Variants in DGKB observed in about 807,000 individuals in gnomAD.
DGKB encodes 90 kDa diacylglycerol kinase.
DGKB carries 67 observed loss-of-function variants against 114.3 expected under a neutral mutation model. The ratio of observed to expected loss-of-function variants is 0.59; its 90% CI spans 0.48 to 0.72. The LOEUF (loss-of-function observed/expected upper bound fraction) is 0.72, where lower values mean the gene tolerates loss of function less well. DGKB is among the 30% of genes least tolerant of loss of function. DGKB has a pLI of 0.00. For synonymous variants in DGKB, 398 were observed against 323.1 expected (o/e 1.23, Z -2.49); for missense variants, 907 against 975.2 (o/e 0.93, Z 0.93).
At chr7:14,937,551 T>C (rs766298371) in intron 1 of DGKB, among the ~76,000 whole-genome samples, 3 of 152,190 alleles carry the variant, frequency 2.0e-5, no homozygotes, top group Non-Finnish European at 2.9e-5. Flanking sequence ...TAAAGCATCA[T>C]TGCTAATATT....
chr7:14,388,124 G>A (rs34148828), intron 21 of DGKB, among the ~76,000 whole-genome samples: 32 of 150,346 alleles, frequency 2.1e-4, no homozygotes, highest in Non-Finnish European at 4.0e-4. Context: ...TGATCCACTC[G>A]CCTTGGCCTC....
At chr7:14,780,365 G>T (rs1195184154) in intron 2 of DGKB, among the ~76,000 whole-genome samples, 1 of 152,046 alleles carries the variant, frequency 6.6e-6, no homozygotes, top group Non-Finnish European at 1.5e-5. Context: ...ACACATTTCC[G>T]TATTTTGCCT....
At chr7:14,558,527 A>T (rs1796191982) in intron 20 of DGKB, among the ~76,000 whole-genome samples, 1 of 152,104 alleles carries the variant, frequency 6.6e-6, no homozygotes, top group Admixed American at 6.6e-5. Context: ...ATTTGCCTTT[A>T]AGATTTCTGC....
chr7:14,914,987 C>A (rs563254629), intron 1 of DGKB, among the ~76,000 whole-genome samples: 11 of 151,948 alleles, frequency 7.2e-5, no homozygotes, highest in African/African-American at 2.4e-4. Context: ...ATATAAAGAG[C>A]AAAAATAATT....
intron 9 of DGKB, among the ~76,000 whole-genome samples, chr7:14,689,196 C>CTTTTTTTTTTT (rs1554599070): frequency 9.1e-4 from 73 of 80,232 alleles, no homozygotes; most frequent in African/African-American, 1.1e-3. Flanking sequence ...AGAAACTCCT[C>CTTTTTTTTTTT]TTATTTTTTT....
rs113305105 is a variant in DGKB at position 14,930,642 on chromosome 7, C to T, written c.-188+44054G>A. Among the ~76,000 whole-genome samples, 1,095 of 152,156 alleles carry T rather than the reference C, an allele frequency of 7.2e-3. 17 individuals carry two copies. The highest frequency in any genetic ancestry group is 0.025 in the African/African-American group (1,042 of 41,518). ...GGTTTTTGTAGATATAATGTTATGT[C>T]ATCAGTAAACAGGGATAGGTTCTCT... On this transcript the variant is annotated intron_variant, in intron 1 of 4. Transcript: ENST00000437998.
chr7:14,813,763 T>C (rs73280244), intron 2 of DGKB, among the ~76,000 whole-genome samples: 4,046 of 152,248 alleles, frequency 0.027, 194 homozygotes, highest in African/African-American at 0.092. Flanking sequence ...AATCTTTTAC[T>C]CTAGTGATTT....
intron 23 of DGKB, among the ~76,000 whole-genome samples, chr7:14,327,477 A>G (rs1414037461): frequency 6.6e-6 from 1 of 152,178 alleles, no homozygotes; most frequent in East Asian, 1.9e-4. Flanking sequence ...TGTATAAAAT[A>G]TCTAACTCAA....
At chr7:14,316,822 A>T (rs1210132924) in intron 23 of DGKB, among the ~76,000 whole-genome samples, 1 of 150,416 alleles carries the variant, frequency 6.6e-6, no homozygotes, top group Non-Finnish European at 1.5e-5. Flanking sequence ...CCGGGCAGAG[A>T]CACAACCAAA....
chr7:14,337,799 TAAAC>T (rs757591763), intron 23 of DGKB, among the ~76,000 whole-genome samples: 206 of 152,232 alleles, frequency 1.4e-3, no homozygotes, highest in Non-Finnish European at 2.4e-3. Context: ...ATTACATACA[TAAAC>T]TATTGGGACA....
chr7:14,459,762 C>T (rs962869515), intron 21 of DGKB, among the ~76,000 whole-genome samples: 25 of 152,072 alleles, frequency 1.6e-4, no homozygotes, highest in African/African-American at 5.8e-4. Flanking sequence ...CAAAGATACT[C>T]GTTGAGAAGA....
rs1554304256 is a variant in DGKB at position 14,852,487 on chromosome 7, C to CAAAAAAAAAACAAACAAAAAA, written c.-187-11038_-187-11037insTTTTTTGTTTGTTTTTTTTTT. 1.4e-4 allele frequency among the ~76,000 whole-genome samples: 9 copies of CAAAAAAAAAACAAACAAAAAA among 63,636 alleles called. No homozygotes were observed. In the East Asian group the frequency reaches 1.5e-3, roughly 11 times the overall value. The allele number at this position is 63,636 out of a possible 152,430, so 41.7% of individuals were successfully genotyped here. ...GAGGAATAGCTAAAATAGTGAAAGT[C>CAAAAAAAAAACAAACAAAAAA]AAAAAAAAAACAGAAATCAAGCATA... is the stretch of plus-strand genomic sequence containing the variant. On this transcript the variant is annotated intron_variant, in intron 1 of 25. Transcript: ENST00000402815.
intron 10 of DGKB, among the ~76,000 whole-genome samples, chr7:14,683,293 T>G (rs1278745981): frequency 6.6e-6 from 1 of 152,160 alleles, no homozygotes; most frequent in African/African-American, 2.4e-5. Context: ...ATCTAAATCT[T>G]AAATGGCTGA....
intron 23 of DGKB, among the ~76,000 whole-genome samples, chr7:14,198,000 T>TG (rs1184280198): frequency 6.6e-6 from 1 of 152,114 alleles, no homozygotes; most frequent in South Asian, 2.1e-4. Flanking sequence ...TTAAAGTGTG[T>TG]GGGGAAAGGG....
intron 23 of DGKB, among the ~76,000 whole-genome samples, chr7:14,202,778 A>G (rs1009837645): frequency 3.9e-5 from 6 of 151,988 alleles, no homozygotes; most frequent in Non-Finnish European, 7.4e-5. Context: ...TAAGATGCCA[A>G]TCATATTATC....
chr7:14,365,784 A>G (rs1305522879), intron 21 of DGKB, among the ~76,000 whole-genome samples: 1 of 152,088 alleles, frequency 6.6e-6, no homozygotes, highest in East Asian at 1.9e-4. Context: ...TCTGTAAAAA[A>G]ATATAATTAG....
intron 23 of DGKB, among the ~76,000 whole-genome samples, chr7:14,284,113 C>A (rs936142029): frequency 6.6e-6 from 1 of 152,020 alleles, no homozygotes; most frequent in East Asian, 1.9e-4. Flanking sequence ...GCAACCTGCT[C>A]ATCTGACAAA....
At chr7:14,582,789 G>A (rs1211649983) in intron 18 of DGKB, among the ~76,000 whole-genome samples, 1 of 152,094 alleles carries the variant, frequency 6.6e-6, no homozygotes, top group Non-Finnish European at 1.5e-5. Flanking sequence ...TGATTTCCTA[G>A]AGCCCCTGAA....
intron 1 of DGKB, among the ~76,000 whole-genome samples, chr7:14,885,228 C>A (rs1319901871): frequency 1.3e-5 from 2 of 151,914 alleles, no homozygotes; most frequent in African/African-American, 4.8e-5. Context: ...ACACTGCAAT[C>A]ACTTATTCTC....
Sources: gnomAD v4.1 joint callset for allele counts (sites outside exome capture counted in the v4.1 genomes callset) on GRCh38, gnomAD v4.1.1 for gene constraint, MANE v1.5 for transcripts, NCBI Gene and HGNC (gene_info 2026-07-23, HGNC 2026-07-21) for gene names.